Variants in EDIL3 observed in about 807,000 individuals in gnomAD.
EDIL3 encodes EGF-like repeat and discoidin I-like domain-containing protein 3.
EDIL3 carries 37 observed loss-of-function variants against 67.4 expected under a neutral mutation model. That is an observed-to-expected ratio of 0.55 (90% CI 0.42 to 0.72). The LOEUF (loss-of-function observed/expected upper bound fraction) is 0.72, where lower values mean the gene tolerates loss of function less well. Ranked by LOEUF, EDIL3 falls within the 30% of genes least tolerant of loss-of-function variation. The pLI, the probability that EDIL3 is intolerant of heterozygous loss-of-function variation, is 0.00. For missense variants in EDIL3, 527 were observed against 586.3 expected (o/e 0.90, Z 1.04); for synonymous variants, 195 against 196.3 (o/e 0.99, Z 0.05).
intron 5 of EDIL3, among the ~76,000 whole-genome samples, chr5:84,123,073 T>C (rs1366663370): frequency 6.6e-6 from 1 of 151,900 alleles, no homozygotes; most frequent in East Asian, 1.9e-4. Flanking sequence ...CTCTCTACAA[T>C]TTAATAACTA....
At chr5:83,963,703 T>C (rs931520894) in intron 9 of EDIL3, among the ~76,000 whole-genome samples, 25 of 147,162 alleles carry the variant, frequency 1.7e-4, no homozygotes, top group Admixed American at 4.2e-4. Context: ...GTGGTTGGGG[T>C]GACCTTCTTG....
intron 3 of EDIL3, chr5:84,196,804 C>G (rs1391711673): frequency 6.6e-6 from 1 of 151,932 alleles, no homozygotes; most frequent in Non-Finnish European, 1.5e-5. Context: ...TGCTTTTATA[C>G]CACTGTATTT....
chr5:84,157,830 C>T (rs1303620783), intron 4 of EDIL3, among the ~76,000 whole-genome samples: 9 of 151,796 alleles, frequency 5.9e-5, no homozygotes, highest in Admixed American at 2.6e-4. Flanking sequence ...AAAAAAATAA[C>T]GTAACGCTAA....
chr5:84,117,020 ATTTTTTTTT>A (rs34997139), intron 5 of EDIL3, among the ~76,000 whole-genome samples: 2 of 83,236 alleles, frequency 2.4e-5, no homozygotes, highest in Non-Finnish European at 4.3e-5. Context: ...TTAAGTACTT[ATTTTTTTTT>A]TTTTTTTTTT....
chr5:84,374,633 A>G (rs2112216737), intron 1 of EDIL3, among the ~76,000 whole-genome samples: 1 of 152,288 alleles, frequency 6.6e-6, no homozygotes, highest in South Asian at 2.1e-4. Context: ...CTGGGTCCCC[A>G]CCCAAATATT....
intron 3 of EDIL3, among the ~76,000 whole-genome samples, chr5:84,220,483 G>T (rs761959408): frequency 2.0e-5 from 3 of 152,098 alleles, no homozygotes; most frequent in Non-Finnish European, 4.4e-5. Flanking sequence ...GGGTCTCATA[G>T]AAGTTTTTAT....
In EDIL3 at chr5:84,113,757, T is replaced by A. The variant is rs147584348; in HGVS notation, c.470-6927A>T. Among the ~76,000 whole-genome samples the A allele has an allele frequency of 3.9e-4, 59 of 152,314 alleles. No individual in the cohort carries two copies. In the East Asian group the frequency reaches 6.8e-3, roughly 17 times the overall value. ...GCAACAGGAATGTACTGCTTTCATT[T>A]GCTCTATCTCAATATCCAGACATCT... On this transcript the variant is annotated intron_variant, in intron 5 of 10. Transcript: ENST00000296591.
At chr5:84,083,019 A>AT (rs774914421) in intron 6 of EDIL3, among the ~76,000 whole-genome samples, 39 of 152,334 alleles carry the variant, frequency 2.6e-4, no homozygotes, top group Non-Finnish European at 4.9e-4. Context: ...GGAAGAGGTC[A>AT]TATCTTTTAA....
At chr5:84,031,129 C>T (rs1042461359) in intron 9 of EDIL3, among the ~76,000 whole-genome samples, 5 of 152,098 alleles carry the variant, frequency 3.3e-5, no homozygotes, top group Admixed American at 1.3e-4. Context: ...TTGGGCTTAA[C>T]CTTATGACAT....
At chr5:84,182,849 A>G (rs1216188131) in intron 3 of EDIL3, among the ~76,000 whole-genome samples, 1 of 152,054 alleles carries the variant, frequency 6.6e-6, no homozygotes, top group Non-Finnish European at 1.5e-5. Context: ...TAAAAACAAT[A>G]TATTTATTTA....
chr5:84,363,772 G>A (rs963656912), intron 1 of EDIL3, among the ~76,000 whole-genome samples: 3 of 152,076 alleles, frequency 2.0e-5, no homozygotes, highest in Admixed American at 2.0e-4. Flanking sequence ...GTATAAATTT[G>A]TATGGATAAA....
intron 1 of EDIL3, among the ~76,000 whole-genome samples, chr5:84,381,826 T>C (rs1207576295): frequency 6.6e-6 from 1 of 152,210 alleles, no homozygotes; most frequent in African/African-American, 2.4e-5. Context: ...TCAATCTGAC[T>C]GATCCATTGG....
chr5:84,382,736 C>A (rs1229030140), intron 1 of EDIL3, among the ~76,000 whole-genome samples: 1 of 152,176 alleles, frequency 6.6e-6, no homozygotes, highest in Non-Finnish European at 1.5e-5. Context: ...CTCGGCCGAG[C>A]AACTACTGGA....
intron 1 of EDIL3, among the ~76,000 whole-genome samples, chr5:84,270,958 T>C (rs1041805656): frequency 2.0e-5 from 3 of 152,204 alleles, no homozygotes; most frequent in Admixed American, 1.3e-4. Context: ...ACATTTATTG[T>C]GCTCCTACTG....
chr5:83,959,007 G>A (rs367594916), intron 10 of EDIL3, among the ~76,000 whole-genome samples: 3 of 151,204 alleles, frequency 2.0e-5, no homozygotes. Context: ...GAGATTTAAT[G>A]TGGAAATTAG....
At chr5:84,287,543 GA>G (rs1172557060) in intron 1 of EDIL3, among the ~76,000 whole-genome samples, 2 of 152,094 alleles carry the variant, frequency 1.3e-5, no homozygotes, top group Non-Finnish European at 2.9e-5. Context: ...TGAAATTAAT[GA>G]AACTACACAA....
At chr5:84,206,989 A>T (rs572998764) in intron 3 of EDIL3, among the ~76,000 whole-genome samples, 1 of 152,304 alleles carries the variant, frequency 6.6e-6, no homozygotes, top group East Asian at 1.9e-4. Flanking sequence ...CTGGCACAAG[A>T]CAGGGATGCC....
intron 9 of EDIL3, among the ~76,000 whole-genome samples, chr5:83,988,685 T>C (rs1745096756): frequency 6.6e-6 from 1 of 152,154 alleles, no homozygotes; most frequent in Non-Finnish European, 1.5e-5. Context: ...CAGTGTCAAA[T>C]GAGAGCGGTA....
intron 4 of EDIL3, among the ~76,000 whole-genome samples, chr5:84,141,936 TATATATATATACATAG>T (rs1409993437): frequency 8.3e-5 from 7 of 83,844 alleles, no homozygotes; most frequent in African/African-American, 2.6e-4. Context: ...CATATATATA[TATATATATATACATAG>T]ATCTATCTAT....
Sources: gnomAD v4.1 joint callset for allele counts (sites outside exome capture counted in the v4.1 genomes callset) on GRCh38, gnomAD v4.1.1 for gene constraint, MANE v1.5 for transcripts, NCBI Gene and HGNC (gene_info 2026-07-23, HGNC 2026-07-21) for gene names.